FER: variants seen among roughly 807,000 people sequenced by gnomAD.
The protein encoded by FER is tyrosine-protein kinase Fer.
Under a neutral mutation model 111.0 loss-of-function variants are expected in FER, and 63 were observed. The ratio of observed to expected loss-of-function variants is 0.57; its 90% confidence interval spans 0.46 to 0.70. The LOEUF is 0.70. Ranked by LOEUF, FER falls within the 30% of genes least tolerant of loss-of-function variation. The pLI is 0.00. For synonymous variants in FER, 327 were observed against 313.9 expected (o/e 1.04, Z -0.44); for missense variants, 914 against 954.0 (o/e 0.96, Z 0.55).
At chr5:108,910,358 A>C (rs1363779045) in intron 10 of FER, among the ~76,000 whole-genome samples, 1 of 152,228 alleles carries the variant, frequency 6.6e-6, no homozygotes, top group African/African-American at 2.4e-5. Flanking sequence ...TAGTGGTCTC[A>C]ACAAGAATGG....
At chr5:109,054,077 A>G (rs150419913) in intron 16 of FER, among the ~76,000 whole-genome samples, 93 of 152,252 alleles carry the variant, frequency 6.1e-4, no homozygotes, top group African/African-American at 2.1e-3. Flanking sequence ...GGCTACTCTA[A>G]ATGAAGTTGC....
intron 10 of FER, among the ~76,000 whole-genome samples, chr5:108,923,997 A>T (rs1392669503): frequency 6.6e-6 from 1 of 152,122 alleles, no homozygotes; most frequent in Admixed American, 6.5e-5. Flanking sequence ...GAGATCCAAA[A>T]CCTAAAATAA....
chr5:108,802,968 T>G (rs923198978), intron 3 of FER, among the ~76,000 whole-genome samples: 1 of 152,134 alleles, frequency 6.6e-6, no homozygotes, highest in Non-Finnish European at 1.5e-5. Context: ...AACAGTGTAT[T>G]AAGTGTTCCC....
chr5:109,118,771 A>G (rs1294278122), intron 17 of FER, among the ~76,000 whole-genome samples: 2 of 152,038 alleles, frequency 1.3e-5, no homozygotes, highest in Admixed American at 1.3e-4. Context: ...CATTTCTTCT[A>G]GATTTTCTAG....
At chr5:109,186,063 C>A in intron 18 of FER, 137 bp from the exon 19 acceptor site, 1 of 1,211,080 alleles carries the variant, frequency 8.3e-7, no homozygotes, top group Non-Finnish European at 1.2e-6. Flanking sequence ...TATACTGGGA[C>A]CACTGTCATA....
intron 9 of FER, among the ~76,000 whole-genome samples, chr5:108,892,292 AG>A (rs1377280999): frequency 5.9e-5 from 9 of 152,172 alleles, no homozygotes; most frequent in Non-Finnish European, 8.8e-5. Flanking sequence ...ACAGTGTAAA[AG>A]TGTTCCTGTT....
At position 108,908,654 on chromosome 5, in the gene FER, G is replaced by C. The variant is rs141238902; in HGVS notation, c.1236+10806G>C. 2.0e-3 allele frequency among the ~76,000 whole-genome samples: 305 copies of C among 151,796 alleles called. 1 individual carries two copies. Among genetic ancestry groups the C allele is most frequent in the African/African-American group, 6.7e-3 (277 of 41,364 alleles). On this transcript the variant is annotated intron_variant, in intron 10 of 19. Transcript: ENST00000281092. Reference sequence around the variant, plus strand: ...GAGAATGCTGTGAACCCGGGAGGCGGAGCTTGCAGTGAGCCGAGATGGCGC... The same window carrying C: ...GAGAATGCTGTGAACCCGGGAGGCGCAGCTTGCAGTGAGCCGAGATGGCGC...
At chr5:109,100,577 G>T in intron 17 of FER, 58 bp downstream of exon 17, 1 of 1,508,786 alleles carries the variant, frequency 6.6e-7, no homozygotes, top group South Asian at 1.2e-5. Context: ...CTGGAAAACT[G>T]ATGTATTTGC....
chr5:108,937,530 G>A (rs1453995379), intron 10 of FER, among the ~76,000 whole-genome samples: 1 of 151,940 alleles, frequency 6.6e-6, no homozygotes, highest in African/African-American at 2.4e-5. Context: ...AGTACAGAGT[G>A]AGAAAAGAAG....
intron 17 of FER, among the ~76,000 whole-genome samples, chr5:109,120,493 G>A (rs1750835929): frequency 6.6e-6 from 1 of 151,958 alleles, no homozygotes; most frequent in Non-Finnish European, 1.5e-5. Context: ...TTCTGTTTTG[G>A]GTACTATAGC....
At chr5:108,941,804 A>G (rs1756310393) in intron 10 of FER, among the ~76,000 whole-genome samples, 1 of 152,158 alleles carries the variant, frequency 6.6e-6, no homozygotes, top group African/African-American at 2.4e-5. Context: ...TGAAGGATGG[A>G]TGAATAGGCA....
chr5:108,841,726 G>GTT (rs1357986455), intron 5 of FER: 2 of 258,724 alleles, frequency 7.7e-6, no homozygotes, highest in African/African-American at 4.6e-5. Flanking sequence ...CCTGCAGTCT[G>GTT]TTTTGTACCA....
intron 13 of FER, among the ~76,000 whole-genome samples, chr5:108,963,319 T>A (rs1759374569): frequency 6.6e-6 from 1 of 152,046 alleles, no homozygotes; most frequent in Non-Finnish European, 1.5e-5. Context: ...TCCCAGGACT[T>A]TGGGAGGCTG....
intron 17 of FER, among the ~76,000 whole-genome samples, chr5:109,176,448 G>A (rs1266278969): frequency 6.6e-6 from 1 of 151,958 alleles, no homozygotes; most frequent in African/African-American, 2.4e-5. Flanking sequence ...TGAAGGAAGA[G>A]AGCAGAATTG....
chr5:109,047,323 A>G, intron 16 of FER, 125 bp downstream of exon 16: 2 of 592,218 alleles, frequency 3.4e-6, no homozygotes, highest in Non-Finnish European at 6.0e-6. Flanking sequence ...ATTTCCAGAT[A>G]ACAAAAGAGT....
chr5:108,756,513 T>G (rs1013861411), intron 1 of FER, among the ~76,000 whole-genome samples: 16 of 152,044 alleles, frequency 1.1e-4, no homozygotes, highest in African/African-American at 3.9e-4. Flanking sequence ...TTTAATATAT[T>G]TAATAAATTT....
intron 5 of FER, among the ~76,000 whole-genome samples, chr5:108,844,983 G>GGTGTGT (rs147584034): frequency 3.6e-5 from 2 of 54,914 alleles, no homozygotes; most frequent in Non-Finnish European, 6.9e-5. Context: ...GTTCATTGCT[G>GGTGTGT]GTGTGTGTGT....
intron 17 of FER, among the ~76,000 whole-genome samples, chr5:109,152,585 C>T (rs1380291585): frequency 6.6e-6 from 1 of 151,884 alleles, no homozygotes; most frequent in Non-Finnish European, 1.5e-5. Flanking sequence ...CAACATATGT[C>T]TCTGATTTAT....
Position 109,080,276 on chromosome 5 carries a change from T to C in FER, c.1925-20120T>C, listed in dbSNP as rs889753499. On this transcript the variant is annotated intron_variant, in intron 16 of 19. Coordinates refer to ENST00000281092, the MANE Select transcript of FER (RefSeq NM_005246.4). ...GTCATTTTAATGAAACAATTTTAAT[T>C]GCTTATTTGCACATAGTGTTGTGCA... Among the ~76,000 whole-genome samples the C allele has an allele frequency of 2.0e-5, 3 of 152,156 alleles. No individual in the cohort carries two copies. The East Asian group carries it at 5.8e-4, about 29-fold the overall frequency.
Sources: gnomAD v4.1 joint callset for allele counts (sites outside exome capture counted in the v4.1 genomes callset) on GRCh38, gnomAD v4.1.1 for gene constraint, MANE v1.5 for transcripts, NCBI Gene and HGNC (gene_info 2026-07-23, HGNC 2026-07-21) for gene names.